Variants in FRK observed in about 807,000 individuals in gnomAD.
The protein encoded by FRK is fyn related Src family tyrosine kinase.
FRK carries 51 observed loss-of-function variants against 56.4 expected under a neutral mutation model. The observed-to-expected ratio is 0.90, with a 90% CI of 0.72 to 1.14. FRK has a LOEUF of 1.14. Among genes scored for constraint, FRK ranks in the 50% most tolerant of loss-of-function variants. FRK has a pLI of 0.00. For synonymous variants in FRK, 245 were observed against 217.9 expected, an observed-to-expected ratio of 1.12 and a Z score of -1.10; for missense variants, 570 against 601.4, an observed-to-expected ratio of 0.95 and a Z score of 0.55.
chr6:115,955,531 G>A (rs1042251519), intron 5 of FRK, among the ~76,000 whole-genome samples: 1 of 152,122 alleles, frequency 6.6e-6, no homozygotes, highest in East Asian at 1.9e-4. Context: ...TTTCTGCAAG[G>A]AAGCTGAGTA....
At chr6:116,078,204 G>T in the FRK span, among the ~76,000 whole-genome samples, 1 of 152,170 alleles carries the variant, frequency 6.6e-6, no homozygotes, top group Non-Finnish European at 1.5e-5. Flanking sequence ...TGAACAAAAT[G>T]ACTTCTTTAC....
intron 1 of FRK, among the ~76,000 whole-genome samples, chr6:116,024,618 G>A (rs1776016514): frequency 6.6e-6 from 1 of 151,858 alleles, no homozygotes; most frequent in Non-Finnish European, 1.5e-5. Context: ...TGGCTGCATA[G>A]TATTCCATGG....
chr6:115,977,425 G>A (rs1460552790), intron 2 of FRK, among the ~76,000 whole-genome samples: 1 of 152,160 alleles, frequency 6.6e-6, no homozygotes, highest in Non-Finnish European at 1.5e-5. Flanking sequence ...GGGTCTCAAA[G>A]GGCGCTTGGC....
At chr6:115,992,231 C>T (rs1406841715) in intron 2 of FRK, among the ~76,000 whole-genome samples, 1 of 151,610 alleles carries the variant, frequency 6.6e-6, no homozygotes, top group Non-Finnish European at 1.5e-5. Context: ...TTTCCATTTG[C>T]TTTTACTCTC....
chr6:116,097,580 C>G, the FRK span, among the ~76,000 whole-genome samples: 1 of 152,166 alleles, frequency 6.6e-6, no homozygotes, highest in Non-Finnish European at 1.5e-5. Flanking sequence ...GCTAGCTAAT[C>G]ACAAGTCACA....
chr6:115,988,107 T>G (rs1302709536), intron 2 of FRK, among the ~76,000 whole-genome samples: 1 of 152,064 alleles, frequency 6.6e-6, no homozygotes, highest in East Asian at 1.9e-4. Flanking sequence ...GTTTCTCAGA[T>G]TGCAGTTTCT....
rs926723003 is a variant in FRK, at chr6:115,933,209, A to T, written c.*9205T>A. ...TTCTGTCAAAAGAGATTTGAAATAC[A>T]ACATGAAATGATGTACTCACATCCC... On this transcript the variant is annotated 3_prime_UTR_variant, in exon 8 of 8. Transcript: ENST00000606080. The T allele has an allele frequency of 1.2e-4, 18 of 152,224 alleles. 1 individual carries two copies. The highest frequency in any genetic ancestry group is 4.3e-4 in the African/African-American group (18 of 41,456). The allele number at this position is 152,224 out of a possible 1,614,324, so 9.4% of individuals were successfully genotyped here. A position where few individuals can be genotyped will look rare whatever the true frequency, so the allele number is the denominator to read the frequency against.
intron 2 of FRK, among the ~76,000 whole-genome samples, chr6:115,981,064 A>G (rs1017519668): frequency 6.6e-6 from 1 of 152,174 alleles, no homozygotes; most frequent in Non-Finnish European, 1.5e-5. Flanking sequence ...AGATAATCAA[A>G]TGACACGGCA....
intron 1 of FRK, among the ~76,000 whole-genome samples, chr6:116,053,840 C>T (rs1412404609): frequency 6.6e-6 from 1 of 151,966 alleles, no homozygotes; most frequent in Admixed American, 6.6e-5. Context: ...GAAAAGACTC[C>T]TAACTCATTT....
At chr6:115,945,928 T>C (rs1458217816) in intron 5 of FRK, among the ~76,000 whole-genome samples, 1 of 152,134 alleles carries the variant, frequency 6.6e-6, no homozygotes, top group Admixed American at 6.6e-5. Flanking sequence ...CATTATTTTG[T>C]GGTGACTGAC....
chr6:116,011,407 AG>A (rs1211273598), intron 1 of FRK, among the ~76,000 whole-genome samples: 1 of 152,176 alleles, frequency 6.6e-6, no homozygotes. Flanking sequence ...CTTAAGACCA[AG>A]GCAGTCAGCC....
chr6:115,997,850 T>C (rs1308909169), intron 2 of FRK, among the ~76,000 whole-genome samples: 3 of 152,168 alleles, frequency 2.0e-5, no homozygotes, highest in East Asian at 3.9e-4. Context: ...TGTCACCCCA[T>C]AGGGACTGCA....
chr6:115,966,080 C>CTT (rs58191827), intron 4 of FRK, among the ~76,000 whole-genome samples: 2 of 131,048 alleles, frequency 1.5e-5, no homozygotes, highest in African/African-American at 2.7e-5. Flanking sequence ...AAAAGAAATA[C>CTT]TTAAAAAAAA....
At chr6:115,949,791 G>T (rs2114532764) in intron 5 of FRK, among the ~76,000 whole-genome samples, 1 of 152,272 alleles carries the variant, frequency 6.6e-6, no homozygotes, top group South Asian at 2.1e-4. Flanking sequence ...ATACTACAAT[G>T]CTACAGTAAA....
Position 115,946,348 on chromosome 6 carries a change from T to C in FRK, c.959-1923A>G, listed in dbSNP as rs368782019. On this transcript the variant is annotated intron_variant, in intron 5 of 7. Coordinates refer to ENST00000606080, the MANE Select transcript of FRK (RefSeq NM_002031.3). ...TCCTATGCCTCAGTTTCCTCATCTG[T>C]ACAATGATAATAGTAACTACTTTAT... Among the ~76,000 whole-genome samples, 25 of 152,314 alleles carry C rather than the reference T, an allele frequency of 1.6e-4. No homozygotes were observed. In the East Asian group the frequency reaches 3.9e-3, roughly 23 times the overall value.
At chr6:115,965,915 G>A (rs1313826107) in intron 4 of FRK, among the ~76,000 whole-genome samples, 2 of 85,704 alleles carry the variant, frequency 2.3e-5, no homozygotes, top group African/African-American at 8.8e-5. Context: ...TCGGGGGAGG[G>A]GGGAGGGATA....
chr6:116,097,466 C>G, the FRK span, among the ~76,000 whole-genome samples: 2 of 151,980 alleles, frequency 1.3e-5, no homozygotes, highest in Non-Finnish European at 2.9e-5. Context: ...TCCCTCCTTC[C>G]CAAAAATGTA....
chr6:116,019,389 A>G (rs746914471), intron 1 of FRK, among the ~76,000 whole-genome samples: 1 of 152,206 alleles, frequency 6.6e-6, no homozygotes. Flanking sequence ...GAATATAGAG[A>G]GAATATACTG....
chr6:115,955,456 T>G (rs1772947636), intron 5 of FRK, among the ~76,000 whole-genome samples: 2 of 152,178 alleles, frequency 1.3e-5, no homozygotes, highest in East Asian at 1.9e-4. Context: ...AAAGGGGTTA[T>G]TTAATAGCTG....
Sources: gnomAD v4.1 joint callset for allele counts (sites outside exome capture counted in the v4.1 genomes callset) on GRCh38, gnomAD v4.1.1 for gene constraint, MANE v1.5 for transcripts, NCBI Gene and HGNC (gene_info 2026-07-23, HGNC 2026-07-21) for gene names.